Variants in PCDHA1 observed in about 807,000 individuals in gnomAD.
PCDHA1 encodes the protein protocadherin alpha 1.
A neutral mutation model predicts 61.3 loss-of-function variants in PCDHA1; 42 were observed. The observed-to-expected ratio is 0.69, with a 90% CI of 0.54 to 0.89. The LOEUF is 0.89. Ranked by LOEUF, PCDHA1 falls within the 40% of genes least tolerant of loss-of-function variation. The probability of loss-of-function intolerance (pLI) is 0.00; values close to 1 mark genes in which losing one functional copy is unlikely to be tolerated. For missense variants in PCDHA1, 1,256 were observed against 1,235.3 expected (o/e 1.02, Z -0.25); for synonymous variants, 610 against 553.8 (o/e 1.10, Z -1.43).
At chr5:140,922,427 G>A (rs1407931624) in intron 1 of PCDHA1, among the ~76,000 whole-genome samples, 2 of 152,212 alleles carry the variant, frequency 1.3e-5, no homozygotes, top group Middle Eastern at 3.4e-3. Context: ...AGAGGCTGAG[G>A]GCAGAACTCT....
rs1418613785 is a variant in PCDHA1 at position 140,796,230 on chromosome 5, G to A, written c.2394+7546G>A. The A allele has an allele frequency of 3.7e-6, 6 of 1,614,096 alleles. No homozygotes were observed. The Admixed American group carries it at 6.7e-5, about 18-fold the overall frequency. On this transcript the variant is annotated intron_variant, in intron 1 of 3. Coordinates refer to ENST00000504120, the MANE Select transcript of PCDHA1 (RefSeq NM_018900.4). ...ACCGCGAGAGCGTGTCAGCCTATGAGCTGGTGGTGACCGCACGGGACGGGG... is the reference window on the plus strand; with the variant it reads ...ACCGCGAGAGCGTGTCAGCCTATGAACTGGTGGTGACCGCACGGGACGGGG...
At chr5:140,928,624 C>T (rs782032190) in intron 1 of PCDHA1, 1 of 1,614,242 alleles carries the variant, frequency 6.2e-7, no homozygotes, top group Non-Finnish European at 8.5e-7. Context: ...CAGGACTGGA[C>T]ACTTGGTCAC....
chr5:140,911,672 C>G (rs1010402307), intron 1 of PCDHA1, among the ~76,000 whole-genome samples: 1 of 152,156 alleles, frequency 6.6e-6, no homozygotes, highest in Non-Finnish European at 1.5e-5. Context: ...TTGCCTCTCA[C>G]GAACCGTGCA....
At chr5:140,968,252 C>A (rs201156874) in intron 1 of PCDHA1, 7 of 1,613,948 alleles carry the variant, frequency 4.3e-6, no homozygotes, top group Non-Finnish European at 8.5e-7. Context: ...AGCCACAGAC[C>A]CAGATGAAAA....
intron 1 of PCDHA1, among the ~76,000 whole-genome samples, chr5:140,914,821 A>G (rs1046692794): frequency 6.6e-6 from 1 of 152,212 alleles, no homozygotes; most frequent in Non-Finnish European, 1.5e-5. Flanking sequence ...AACAGACTGC[A>G]TAAACAAAAA....
At chr5:140,797,389 G>A in intron 1 of PCDHA1, 1 of 1,585,462 alleles carries the variant, frequency 6.3e-7, no homozygotes, top group Admixed American at 1.8e-5. Context: ...TTCTAAAATT[G>A]TTCTTTTTAA....
At chr5:140,815,220 G>A (rs1765678782) in intron 1 of PCDHA1, 1 of 151,932 alleles carries the variant, frequency 6.6e-6, no homozygotes, top group South Asian at 2.1e-4. Flanking sequence ...ACTTACTGTT[G>A]CCTCTTTGTT....
chr5:140,907,631 C>T (rs1338354291), intron 1 of PCDHA1, among the ~76,000 whole-genome samples: 1 of 152,216 alleles, frequency 6.6e-6, no homozygotes, highest in African/African-American at 2.4e-5. Flanking sequence ...GTGTTGGTCT[C>T]TGCTGCTGGC....
intron 1 of PCDHA1, among the ~76,000 whole-genome samples, chr5:140,903,475 A>C (rs1186809574): frequency 6.6e-6 from 1 of 152,220 alleles, no homozygotes; most frequent in African/African-American, 2.4e-5. Flanking sequence ...TATTCCTTGC[A>C]TTATAGTTCT....
At chr5:140,801,853 A>T (rs1581646062) in intron 1 of PCDHA1, 2 of 1,614,140 alleles carry the variant, frequency 1.2e-6, no homozygotes, top group African/African-American at 2.7e-5. Context: ...GATGGTGGGA[A>T]ACCAGAGCTC....
chr5:140,798,184 T>A (rs891955747), intron 1 of PCDHA1, among the ~76,000 whole-genome samples: 1 of 152,180 alleles, frequency 6.6e-6, no homozygotes, highest in Non-Finnish European at 1.5e-5. Context: ...TTTATTTGTA[T>A]TTGAAAGCAG....
rs370156477 is a variant in PCDHA1 at position 140,876,942 on chromosome 5, G to A, written c.2394+88258G>A. The A allele has an allele frequency of 2.2e-5, 35 of 1,613,660 alleles. 1 individual carries two copies. In the African/African-American group the frequency reaches 4.4e-4, roughly 20 times the overall value. On this transcript the variant is annotated intron_variant, in intron 1 of 3. Transcript: ENST00000504120. ...CGGACGCGCAGAAGAACGCGCTGGT[G>A]TCCTACTCGCTGGTGGAGCGGCGGG...
rs182447320 is a variant in PCDHA1, at chr5:140,868,739, C to A, written c.2394+80055C>A. 921 of 204,056 alleles carry A rather than the reference C, an allele frequency of 4.5e-3. 4 individuals carry two copies. The highest frequency in any genetic ancestry group is 0.012 in the Middle Eastern group (6 of 494). The allele number at this position is 204,056 out of a possible 1,614,324, so 12.6% of individuals were successfully genotyped here. ...TAAATTTGATGTTAATCGAGAAATACAATGCCATTTCCATATATATTTAGT... is the reference window on the plus strand; with the variant it reads ...TAAATTTGATGTTAATCGAGAAATAAAATGCCATTTCCATATATATTTAGT... On this transcript the variant is annotated intron_variant, in intron 1 of 3. Transcript: ENST00000504120.
Position 140,956,487 on chromosome 5 carries a change from C to G in PCDHA1, c.2395-22462C>G, listed in dbSNP as rs2095287981. The stretch of plus-strand genomic sequence containing the variant: ...GCATATGTTGAACCAGTCTTGCATC[C>G]CAGGGATGAAGCCTACTTGATCATG... On this transcript the variant is annotated intron_variant, in intron 1 of 3. Transcript: ENST00000504120. Among the ~76,000 whole-genome samples, 2 of 152,032 alleles carry G rather than the reference C, an allele frequency of 1.3e-5. 1 individual carries two copies. Among genetic ancestry groups the G allele is most frequent in the Admixed American group, 1.3e-4 (2 of 15,252 alleles).
chr5:140,951,716 C>T (rs2094623458), intron 1 of PCDHA1, among the ~76,000 whole-genome samples: 1 of 152,102 alleles, frequency 6.6e-6, no homozygotes, highest in South Asian at 2.1e-4. Flanking sequence ...GGACACAGAT[C>T]CAAACCATGT....
chr5:140,802,222 A>G, intron 1 of PCDHA1: 1 of 1,614,246 alleles, frequency 6.2e-7, no homozygotes. Flanking sequence ...GAAATTGTGG[A>G]CATCAATGAT....
chr5:140,883,071 A>T, intron 1 of PCDHA1: 1 of 1,614,116 alleles, frequency 6.2e-7, no homozygotes, highest in Non-Finnish European at 8.5e-7. Context: ...AATGCCACAG[A>T]TCCTGATGAT....
At chr5:140,821,291 C>T (rs1237221599) in intron 1 of PCDHA1, among the ~76,000 whole-genome samples, 2 of 152,082 alleles carry the variant, frequency 1.3e-5, no homozygotes, top group Non-Finnish European at 2.9e-5. Context: ...ATATAAACTC[C>T]TCCCTATATA....
chr5:140,864,600 C>G (rs1159658217), intron 1 of PCDHA1: 3 of 152,164 alleles, frequency 2.0e-5, no homozygotes, highest in African/African-American at 7.2e-5. Flanking sequence ...TTCAGATAGC[C>G]AACAACTTTG....
Sources: gnomAD v4.1 joint callset for allele counts (sites outside exome capture counted in the v4.1 genomes callset) on GRCh38, gnomAD v4.1.1 for gene constraint, MANE v1.5 for transcripts, NCBI Gene and HGNC (gene_info 2026-07-23, HGNC 2026-07-21) for gene names.